The following CDH18 variants were observed in gnomAD, a reference collection of about 807,000 sequenced individuals.
The protein encoded by CDH18 is cadherin 18.
A neutral mutation model predicts 67.9 loss-of-function variants in CDH18; 31 were observed. That is an observed-to-expected ratio of 0.46 (90% CI 0.34 to 0.62). The LOEUF (loss-of-function observed/expected upper bound fraction) is 0.62. Ranked by LOEUF, CDH18 falls within the 20% of genes least tolerant of loss-of-function variation. The probability of loss-of-function intolerance (pLI) is 0.01; values close to 1 mark genes in which losing one functional copy is unlikely to be tolerated. For synonymous variants in CDH18, 362 were observed against 347.2 expected, an observed-to-expected ratio of 1.04 and a Z score of -0.48; for missense variants, 890 against 975.5, an observed-to-expected ratio of 0.91 and a Z score of 1.17.
chr5:19,961,496 T>C (rs532919665), intron 2 of CDH18, among the ~76,000 whole-genome samples: 43 of 152,250 alleles, frequency 2.8e-4, no homozygotes, highest in Non-Finnish European at 5.4e-4. Context: ...TGTATATATG[T>C]TATTGGTCAA....
chr5:20,041,807 C>A (rs77902760), intron 2 of CDH18, among the ~76,000 whole-genome samples: 1,743 of 152,290 alleles, frequency 0.011, 38 homozygotes, highest in African/African-American at 0.04. Context: ...GTACATTAAA[C>A]AGCATTTTAC....
chr5:19,566,909 A>T (rs1740504642), intron 8 of CDH18, among the ~76,000 whole-genome samples: 1 of 152,214 alleles, frequency 6.6e-6, no homozygotes, highest in Non-Finnish European at 1.5e-5. Flanking sequence ...CATAAAATAG[A>T]ATAAGATTCT....
chr5:20,192,199 C>A (rs575619930), intron 2 of CDH18, among the ~76,000 whole-genome samples: 8 of 147,916 alleles, frequency 5.4e-5, no homozygotes, highest in African/African-American at 2.0e-4. Flanking sequence ...CACTTTTCGA[C>A]GTTTTTTTTT....
At chr5:20,557,318 A>G (rs1331342035) in intron 1 of CDH18, among the ~76,000 whole-genome samples, 1 of 152,136 alleles carries the variant, frequency 6.6e-6, no homozygotes, top group East Asian at 1.9e-4. Flanking sequence ...TAAAGAAAAT[A>G]TGAATGCAAA....
At chr5:19,526,560 T>C (rs1747777886) in intron 9 of CDH18, among the ~76,000 whole-genome samples, 1 of 152,128 alleles carries the variant, frequency 6.6e-6, no homozygotes, top group African/African-American at 2.4e-5. Context: ...GATTTCCCAC[T>C]TATGGACATT....
chr5:20,295,844 ATTT>A (rs199751381), intron 1 of CDH18, among the ~76,000 whole-genome samples: 81 of 16,756 alleles, frequency 4.8e-3, no homozygotes, highest in African/African-American at 0.018. Flanking sequence ...ATCTGCAGAC[ATTT>A]TATTTTATTT....
intron 2 of CDH18, among the ~76,000 whole-genome samples, chr5:19,999,195 C>G (rs1247437559): frequency 6.6e-6 from 1 of 151,856 alleles, no homozygotes; most frequent in Admixed American, 6.6e-5. Flanking sequence ...GGGCTTTTCA[C>G]GACATTGAAG....
At chr5:20,063,387 C>T (rs991278007) in intron 2 of CDH18, among the ~76,000 whole-genome samples, 2 of 151,916 alleles carry the variant, frequency 1.3e-5, no homozygotes, top group Admixed American at 6.6e-5. Context: ...CAAGAATTAA[C>T]AGTTTTGGGA....
chr5:20,551,582 G>C (rs1254018493), intron 1 of CDH18, among the ~76,000 whole-genome samples: 1 of 152,024 alleles, frequency 6.6e-6, no homozygotes, highest in Non-Finnish European at 1.5e-5. Context: ...TAATCAATTG[G>C]AGTTGAGTAA....
At chr5:19,572,399 A>G (rs1741589180) in intron 7 of CDH18, among the ~76,000 whole-genome samples, 1 of 152,184 alleles carries the variant, frequency 6.6e-6, no homozygotes, top group Non-Finnish European at 1.5e-5. Flanking sequence ...CTGATTTTGT[A>G]CAAGCCTGCT....
At chr5:19,755,155 A>G (rs1362220179) in intron 3 of CDH18, among the ~76,000 whole-genome samples, 2 of 151,780 alleles carry the variant, frequency 1.3e-5, no homozygotes, top group African/African-American at 2.4e-5. Context: ...GGAAATAACC[A>G]AGATCATAGC....
At chr5:19,765,742 TA>T (rs1772995302) in intron 3 of CDH18, among the ~76,000 whole-genome samples, 1 of 152,164 alleles carries the variant, frequency 6.6e-6, no homozygotes, top group Non-Finnish European at 1.5e-5. Context: ...TTTCCTGTGC[TA>T]GAGAATGGGG....
chr5:19,484,809 TC>T (rs1383283968), intron 11 of CDH18, among the ~76,000 whole-genome samples: 1 of 152,156 alleles, frequency 6.6e-6, no homozygotes. Context: ...CAGATGTTGA[TC>T]CCAATGGCAT....
chr5:20,278,247 G>A (rs887297471), intron 1 of CDH18, among the ~76,000 whole-genome samples: 1 of 151,908 alleles, frequency 6.6e-6, no homozygotes, highest in African/African-American at 2.4e-5. Context: ...ATAAAGAAAG[G>A]ATCCTAAAAG....
At chr5:19,830,547 A>G (rs1256227162) in intron 3 of CDH18, among the ~76,000 whole-genome samples, 1 of 152,078 alleles carries the variant, frequency 6.6e-6, no homozygotes, top group African/African-American at 2.4e-5. Context: ...AAATGATGAC[A>G]AGGTCATGAA....
intron 3 of CDH18, among the ~76,000 whole-genome samples, chr5:19,765,910 C>T (rs141770100): frequency 0.013 from 1,909 of 150,822 alleles, 35 homozygotes; most frequent in African/African-American, 0.044. Flanking sequence ...GACAGAGTCT[C>T]GCTCTGCCAC....
chr5:19,920,878 T>C (rs1171848159), intron 2 of CDH18, among the ~76,000 whole-genome samples: 2 of 110,930 alleles, frequency 1.8e-5, no homozygotes, highest in African/African-American at 3.5e-5. Context: ...ATTATATATA[T>C]GTATACCCAC....
chr5:19,598,565 T>C (rs528812528), intron 6 of CDH18, among the ~76,000 whole-genome samples: 2 of 152,150 alleles, frequency 1.3e-5, no homozygotes, highest in East Asian at 3.9e-4. Context: ...CACTCCCCAT[T>C]TGCTGATACA....
At chr5:20,446,731 T>C (rs1188866231) in intron 1 of CDH18, among the ~76,000 whole-genome samples, 1 of 152,216 alleles carries the variant, frequency 6.6e-6, no homozygotes, top group African/African-American at 2.4e-5. Context: ...GTCTTTAACT[T>C]TTCCAAATTT....
Sources: allele counts gnomAD v4.1 joint callset (sites outside exome capture counted in the v4.1 genomes callset), GRCh38; gene constraint gnomAD v4.1.1; transcripts MANE v1.5; gene names NCBI Gene and HGNC (gene_info 2026-07-23, HGNC 2026-07-21).